Variants in SUPT6H observed in about 807,000 individuals in gnomAD.
SUPT6H encodes SPT6 homolog, histone chaperone and transcription elongation factor, also known as transcription elongation factor SPT6.
A neutral mutation model predicts 222.3 loss-of-function variants in SUPT6H; 11 were observed. The ratio of observed to expected loss-of-function variants is 0.05; its 90% CI spans 0.03 to 0.08. The LOEUF (loss-of-function observed/expected upper bound fraction) is 0.08. SUPT6H is among the 10% of genes least tolerant of loss of function. SUPT6H has a pLI of 1.00. For missense variants in SUPT6H, 1,422 were observed against 2,216.0 expected, an observed-to-expected ratio of 0.64 and a Z score of 7.19; for synonymous variants, 762 against 801.2, an observed-to-expected ratio of 0.95 and a Z score of 0.83.
chr17:28,699,705 G>T (rs2032056439), intron 32 of SUPT6H, 76 bp from the exon 33 acceptor site: 2 of 1,206,568 alleles, frequency 1.7e-6, no homozygotes, highest in Admixed American at 3.4e-5. Context: ...TACTTCACAT[G>T]GTGGGCATCT....
intron 17 of SUPT6H, 83 bp from the exon 18 acceptor site, chr17:28,684,503 A>G: frequency 1.3e-6 from 2 of 1,538,064 alleles, no homozygotes; most frequent in Non-Finnish European, 1.8e-6. Context: ...TGTGTGTATG[A>G]GTGTGTTTCC....
chr17:28,667,850 T>A (rs948937772), intron 1 of SUPT6H, among the ~76,000 whole-genome samples: 3 of 148,868 alleles, frequency 2.0e-5, no homozygotes, highest in Non-Finnish European at 4.5e-5. Context: ...TCCACCGGGG[T>A]AGGAAGCATA....
chr17:28,689,441 G>A lies in SUPT6H; in HGVS notation c.3222G>A (p.Leu1074=), dbSNP rs1415938258. Residue 1074 remains leucine, a synonymous_variant, in exon 25 of 37, where the codon CTG becomes CTA. Coordinates refer to ENST00000314616, the MANE Select transcript of SUPT6H (RefSeq NM_003170.5). The part of the protein sequence containing the change: ...EWARKMAVDA[L]EYDESAEDAN... ...CTAGGAAGATGGCAGTGGATGCCCT[G>A]GAATACGATGAATCAGCCGAGGATG... 1.2e-6 allele frequency: 2 copies of A among 1,614,222 alleles called. No individual in the cohort carries two copies. The highest frequency in any genetic ancestry group is 1.1e-5 in the South Asian group (1 of 91,086).
In SUPT6H at chr17:28,683,563, G is replaced by A. The variant is rs566473062; in HGVS notation, c.2034-58G>A. 3.3e-5 allele frequency: 53 copies of A among 1,592,320 alleles called. 2 individuals carry two copies. In the South Asian group the frequency reaches 5.5e-4, roughly 17 times the overall value. On this transcript the variant is annotated intron_variant, in intron 16 of 36. Transcript: ENST00000314616. ...CTCTGGCTTGCTTAGAATGTTCATG[G>A]ACATTGGGTGTCACCTTTTCTCCAT... is the stretch of plus-strand genomic sequence containing the variant.
Position 28,697,055 on chromosome 17 carries a change from G to A in SUPT6H, c.4182G>A (p.Leu1394=), listed in dbSNP as rs1416334293. The A allele has an allele frequency of 3.1e-6, 5 of 1,613,892 alleles. No individual in the cohort carries two copies. Among genetic ancestry groups the A allele is most frequent in the African/African-American group, 1.3e-5 (1 of 74,886 alleles). Reference sequence around the variant, plus strand: ...AGGGCAAGGAAAATGCCTTCAGCCTGGGAGCCACTCTGTGGATCAACAGTG... The same window carrying A: ...AGGGCAAGGAAAATGCCTTCAGCCTAGGAGCCACTCTGTGGATCAACAGTG... ...REEGKENAFS[L]GATLWINSEE... Residue 1394 remains leucine (L), a synonymous_variant, in exon 30 of 37, where the codon CTG becomes CTA. Transcript: ENST00000314616.
chr17:28,684,611 G>A lies in SUPT6H; in HGVS notation c.2255G>A (p.Trp752Ter). The A allele has an allele frequency of 6.2e-7, 1 of 1,614,124 alleles. No individual in the cohort carries two copies. Residue 752 changes from tryptophan (W) to a stop codon, truncating the protein, a stop_gained, in exon 18 of 37, where the codon TGG (tryptophan) becomes TAG (stop). Coordinates refer to ENST00000314616, the MANE Select transcript of SUPT6H (RefSeq NM_003170.5). LOFTEE classifies it high-confidence loss of function. Reference sequence around the variant, plus strand: ...GCCTGTAGTCGAAAGCTCTACAATTGGTTGAGAGTGGCACCCTACCGACCA... The same window carrying A: ...GCCTGTAGTCGAAAGCTCTACAATTAGTTGAGAGTGGCACCCTACCGACCA... Reference protein sequence around the residue: ...IKACSRKLYNWLRVAPYRPDQ... With the variant: ...IKACSRKLYN
At chr17:28,670,005 A>G (rs572106567) in intron 1 of SUPT6H, 3 of 152,390 alleles carry the variant, frequency 2.0e-5, no homozygotes, top group East Asian at 1.9e-4. Context: ...CTGCTCTAAC[A>G]GAATACAGCT....
chr17:28,681,367 G>C lies in SUPT6H; in HGVS notation c.1461G>C (p.Lys487Asn). ...AGAACGCCGCCAAAGCTAGCCGCAA[G>C]AAGCTGAAGCGTGTCAGGGAAGAGG... ...KMQNAAKASR[K>N]KLKRVREEGD... Residue 487 changes from lysine (K) to asparagine (N), a missense_variant, in exon 12 of 37, where the codon AAG (lysine) becomes AAC (asparagine). Physicochemically the swap from Lys to Asn is moderately conservative, Grantham distance 94. Coordinates refer to ENST00000314616, the MANE Select transcript of SUPT6H (RefSeq NM_003170.5). 1 of 1,611,676 alleles carries C rather than the reference G, an allele frequency of 6.2e-7. No individual in the cohort carries two copies. Among genetic ancestry groups the C allele is most frequent in the Admixed American group, 1.7e-5 (1 of 59,432 alleles).
chr17:28,693,647 G>A (rs779859319), intron 27 of SUPT6H, 49 bp from the exon 28 acceptor site: 6 of 1,606,814 alleles, frequency 3.7e-6, no homozygotes, highest in South Asian at 3.3e-5. Context: ...CTGAATGAGC[G>A]ATCTCCAGAA....
Position 28,699,716 on chromosome 17 carries a change from G to C in SUPT6H, c.4449-65G>C, listed in dbSNP as rs549195649. On this transcript the variant is annotated intron_variant, in intron 32 of 36. Coordinates refer to ENST00000314616, the MANE Select transcript of SUPT6H (RefSeq NM_003170.5). ...TGGCTACTTCACATGGTGGGCATCT[G>C]TTCTGGTCGCTCTTGTGGTGGGTCC... is the stretch of plus-strand genomic sequence containing the variant. 3 of 1,354,386 alleles carry C rather than the reference G, an allele frequency of 2.2e-6. No individual in the cohort carries two copies. In the African/African-American group the frequency reaches 4.3e-5, roughly 19 times the overall value. 83.9% of individuals were successfully genotyped at this position (1,354,386 alleles called of 1,614,324 possible).
At position 28,683,924 on chromosome 17, in the gene SUPT6H, CT is replaced by C. The variant is rs1453050590; in HGVS notation, c.2229+109del. The C allele has an allele frequency of 9.5e-6, 10 of 1,048,232 alleles. No individual in the cohort carries two copies. The African/African-American group carries it at 1.6e-4, about 17-fold the overall frequency. The allele number at this position is 1,048,232 out of a possible 1,614,324, so 64.9% of individuals were successfully genotyped here. ...AATCTTGGCTCACTGCAAGCTCTGCCTCCTAGGTTGATGCCATTCTCCTGCC... is the reference window on the plus strand; with the variant it reads ...AATCTTGGCTCACTGCAAGCTCTGCCCCTAGGTTGATGCCATTCTCCTGCC... On this transcript the variant is annotated intron_variant, in intron 17 of 36. Transcript: ENST00000314616.
chr17:28,680,150 C>CA lies in SUPT6H; in HGVS notation c.1350-1100dup, dbSNP rs1189284662. The stretch of plus-strand genomic sequence containing the variant: ...TGAAACCCCGTCTCTACTAAAAATA[C>CA]AAAAAATTAGCTCGGTGTGGTGGCA... On this transcript the variant is annotated intron_variant, in intron 11 of 36. Transcript: ENST00000314616. Among the ~76,000 whole-genome samples, 3 of 149,054 alleles carry CA rather than the reference C, an allele frequency of 2.0e-5. No individual in the cohort carries two copies. In the Admixed American group the frequency reaches 2.0e-4, roughly 10 times the overall value.
Position 28,678,831 on chromosome 17 carries a change from T to C in SUPT6H, c.1217T>C (p.Leu406Pro). The C allele has an allele frequency of 6.2e-7, 1 of 1,614,126 alleles. No individual in the cohort carries two copies. Among genetic ancestry groups the C allele is most frequent in the Non-Finnish European group, 8.5e-7 (1 of 1,180,028 alleles). Reference protein sequence around the residue: ...VWQWDEKWTQLRIRKENLTRL... With the variant: ...VWQWDEKWTQPRIRKENLTRL... ...CCTACTTCACCTTAGTGGACCCAGC[T>C]GCGGATCCGTAAAGAGAACCTAACA... The change falls in exon 11 of 37, where the codon CTG becomes CCG. Residue 406 changes from leucine (L) to proline (P), a missense_variant. Physicochemically the swap from Leu to Pro is moderately conservative, Grantham distance 98. Coordinates refer to ENST00000314616, the MANE Select transcript of SUPT6H (RefSeq NM_003170.5).
At position 28,689,516 on chromosome 17, in the gene SUPT6H, G is replaced by A. The variant is rs1402377694; in HGVS notation, c.3297G>A (p.Leu1099=). 4 of 1,614,208 alleles carry A rather than the reference G, an allele frequency of 2.5e-6. No homozygotes were observed. Among genetic ancestry groups the A allele is most frequent in the Non-Finnish European group, 3.4e-6 (4 of 1,180,040 alleles). Residue 1099 remains leucine (L), a synonymous_variant, in exon 25 of 37, where the codon CTG becomes CTA. Transcript: ENST00000314616. ...AAATCTTGGAAAACCCAGAGCGACT[G>A]AAAGACCTGGACCTTGATGCCTTTG... ...LEEILENPER[L]KDLDLDAFAE...
chr17:28,686,836 T>G, intron 21 of SUPT6H, 47 bp downstream of exon 21: 1 of 1,548,300 alleles, frequency 6.5e-7, no homozygotes, highest in Non-Finnish European at 8.7e-7. Flanking sequence ...CAAGTGCTAT[T>G]AATCCCAAAG....
At chr17:28,680,643 GTTTTGT>G (rs951422971) in intron 11 of SUPT6H, among the ~76,000 whole-genome samples, 46 of 151,880 alleles carry the variant, frequency 3.0e-4, no homozygotes, top group African/African-American at 9.2e-4. Context: ...ATGTGTCTTG[GTTTTGT>G]TTTTGTTTTT....
intron 21 of SUPT6H, 110 bp from the exon 22 acceptor site, chr17:28,686,978 A>G (rs1443138252): frequency 6.6e-7 from 1 of 1,517,184 alleles, no homozygotes; most frequent in East Asian, 2.3e-5. Context: ...CTCAGGAAAA[A>G]AGATCCCAGA....
At position 28,678,817 on chromosome 17, in the gene SUPT6H, T is replaced by A. The variant is rs776014105; in HGVS notation, c.1207-4T>A. Reference sequence around the variant, plus strand: ...GCTCTCATTCCTGCCCTACTTCACCTTAGTGGACCCAGCTGCGGATCCGTA... The same window carrying A: ...GCTCTCATTCCTGCCCTACTTCACCATAGTGGACCCAGCTGCGGATCCGTA... On this transcript the variant is annotated splice_polypyrimidine_tract_variant and splice_region_variant and intron_variant, in intron 10 of 36. Transcript: ENST00000314616. 1 of 1,614,034 alleles carries A rather than the reference T, an allele frequency of 6.2e-7. No individual in the cohort carries two copies. The highest frequency in any genetic ancestry group is 1.3e-5 in the African/African-American group (1 of 74,894).
At position 28,683,281 on chromosome 17, in the gene SUPT6H, C is replaced by T. The variant is rs750872074; in HGVS notation, c.1892C>T (p.Ala631Val). The change falls in exon 16 of 37, where the codon GCC (alanine) becomes GTC (valine). Residue 631 changes from alanine to valine, a missense_variant. Physicochemically the swap from Ala to Val is moderately conservative, Grantham distance 64. This residue lies in a region of SUPT6H where 121 missense variants were observed against 158.0 expected (regional missense o/e 0.77). Transcript: ENST00000314616. ...TCATGTGTGCAGGATGTGGATGAGG[C>T]CCACTATGCCTATTCCTTCAAGTAT... ...TKKGRKDVDE[A>V]HYAYSFKYLK... 1.9e-6 allele frequency: 3 copies of T among 1,614,026 alleles called. No homozygotes were observed. The highest frequency in any genetic ancestry group is 2.5e-6 in the Non-Finnish European group (3 of 1,179,956).
Sources: gnomAD v4.1 joint callset for allele counts (sites outside exome capture counted in the v4.1 genomes callset) on GRCh38, gnomAD v4.1.1 for gene constraint, gnomAD v4.1.1 regional missense constraint, MANE v1.5 for transcripts, NCBI Gene and HGNC (gene_info 2026-07-23, HGNC 2026-07-21) for gene names.